Variants in SCFD1 observed in about 807,000 individuals in gnomAD.
SCFD1 encodes the protein sec1 family domain-containing protein 1.
Under a neutral mutation model 103.2 loss-of-function variants are expected in SCFD1, and 37 were observed. The ratio of observed to expected loss-of-function variants is 0.36; its 90% CI spans 0.28 to 0.47. The LOEUF is 0.47. SCFD1 is among the 20% of genes least tolerant of loss of function. SCFD1 has a pLI of 1.00. For synonymous variants in SCFD1, 264 were observed against 245.0 expected (o/e 1.08, Z -0.73); for missense variants, 639 against 761.2 (o/e 0.84, Z 1.89).
intron 15 of SCFD1, among the ~76,000 whole-genome samples, chr14:30,699,794 T>C (rs1312422957): frequency 6.6e-6 from 1 of 152,164 alleles, no homozygotes; most frequent in Non-Finnish European, 1.5e-5. Flanking sequence ...ATAGTCCCAC[T>C]TTCATACCAG....
chr14:30,707,492 T>C (rs958369793), intron 18 of SCFD1, among the ~76,000 whole-genome samples: 1 of 152,184 alleles, frequency 6.6e-6, no homozygotes, highest in African/African-American at 2.4e-5. Flanking sequence ...CAATGTAGAA[T>C]TGGATCCAGC....
intron 4 of SCFD1, among the ~76,000 whole-genome samples, chr14:30,637,005 G>C (rs1029492441): frequency 6.6e-6 from 1 of 151,974 alleles, no homozygotes; most frequent in African/African-American, 2.4e-5. Context: ...CTCAGCCCAG[G>C]ATTCAGACAT....
At chr14:30,650,498 A>AT (rs1051344277) in intron 8 of SCFD1, 67 bp from the exon 9 acceptor site, 3 of 920,290 alleles carry the variant, frequency 3.3e-6, no homozygotes, top group Non-Finnish European at 5.2e-6. Context: ...CTAAAAACAC[A>AT]TTTTGAATTA....
At chr14:30,725,590 A>G (rs1185605849) in intron 23 of SCFD1, among the ~76,000 whole-genome samples, 1 of 152,124 alleles carries the variant, frequency 6.6e-6, no homozygotes. Flanking sequence ...TTGGGCTGAG[A>G]CTGTGTGGGC....
At chr14:30,734,907 T>C in intron 24 of SCFD1, 49 bp downstream of exon 24, 3 of 1,417,826 alleles carry the variant, frequency 2.1e-6, no homozygotes, top group Non-Finnish European at 3.0e-6. Flanking sequence ...CCCTAGTTGC[T>C]ATTGGTATTT....
At chr14:30,693,914 G>A (rs1187697002) in intron 14 of SCFD1, among the ~76,000 whole-genome samples, 1 of 152,042 alleles carries the variant, frequency 6.6e-6, no homozygotes, top group Non-Finnish European at 1.5e-5. Flanking sequence ...ATTTGCTTTT[G>A]AGGATCTTAA....
At chr14:30,623,119 ACTT>A (rs1230227164) in intron 1 of SCFD1, among the ~76,000 whole-genome samples, 1 of 152,060 alleles carries the variant, frequency 6.6e-6, no homozygotes, top group East Asian at 1.9e-4. Context: ...TTACTTGAAA[ACTT>A]CTCATGACAA....
chr14:30,704,877 G>T (rs1891362405), intron 17 of SCFD1, among the ~76,000 whole-genome samples: 1 of 152,132 alleles, frequency 6.6e-6, no homozygotes, highest in African/African-American at 2.4e-5. Context: ...AATCATATAT[G>T]TTAAATAGGC....
intron 19 of SCFD1, among the ~76,000 whole-genome samples, chr14:30,712,345 A>C (rs1891941091): frequency 6.6e-6 from 1 of 152,188 alleles, no homozygotes; most frequent in South Asian, 2.1e-4. Context: ...TCGACATCAG[A>C]GTATCATCTG....
chr14:30,633,177 G>C (rs1884354216), intron 3 of SCFD1, among the ~76,000 whole-genome samples: 1 of 152,164 alleles, frequency 6.6e-6, no homozygotes, highest in South Asian at 2.1e-4. Context: ...TATCATTCTT[G>C]ATATCAGTGG....
intron 14 of SCFD1, among the ~76,000 whole-genome samples, chr14:30,693,833 CTTGA>C (rs1463166999): frequency 6.6e-6 from 1 of 152,138 alleles, no homozygotes; most frequent in East Asian, 1.9e-4. Context: ...TCTACTCCCA[CTTGA>C]TTATTAACAC....
At chr14:30,693,687 AT>A (rs1890480647) in intron 14 of SCFD1, among the ~76,000 whole-genome samples, 1 of 152,162 alleles carries the variant, frequency 6.6e-6, no homozygotes, top group South Asian at 2.1e-4. Context: ...TAATGTATTT[AT>A]GTTGTATATT....
chr14:30,731,390 A>G (rs1285511204), intron 23 of SCFD1, among the ~76,000 whole-genome samples: 1 of 152,204 alleles, frequency 6.6e-6, no homozygotes, highest in African/African-American at 2.4e-5. Context: ...CTGTGAAGAA[A>G]GTCATTGGTA....
At chr14:30,713,740 T>TAAAC (rs902873829) in intron 19 of SCFD1, among the ~76,000 whole-genome samples, 3 of 152,320 alleles carry the variant, frequency 2.0e-5, no homozygotes, top group Admixed American at 1.3e-4. Flanking sequence ...TGCAGGAAGA[T>TAAAC]AAACACAGAA....
chr14:30,718,192 G>A (rs774082057), intron 20 of SCFD1, among the ~76,000 whole-genome samples: 9 of 152,184 alleles, frequency 5.9e-5, no homozygotes, highest in African/African-American at 2.2e-4. Flanking sequence ...ACCAAGAAAT[G>A]TTGTGACTTC....
At position 30,670,381 on chromosome 14, in the gene SCFD1, A is replaced by G. The variant is rs73253007; in HGVS notation, c.981A>G (p.Gln327=). The change falls in exon 11 of 25, where the codon CAA becomes CAG. Residue 327 remains glutamine (Q), a synonymous_variant. Transcript: ENST00000458591. Reference sequence around the variant, plus strand: ...TAACTCCGGTTGATAAATTTTGGCAAAAACATAAAGGAAGGTAAGCAAAAT... The same window carrying G: ...TAACTCCGGTTGATAAATTTTGGCAGAAACATAAAGGAAGGTAAGCAAAAT... ...YDLTPVDKFW[Q]KHKGSPFPEV... 5.9e-4 allele frequency: 922 copies of G among 1,564,542 alleles called. 3 individuals are homozygous for G. In the African/African-American group the frequency reaches 0.012, roughly 21 times the overall value.
At chr14:30,647,894 G>A (rs931521916) in intron 7 of SCFD1, among the ~76,000 whole-genome samples, 9 of 151,850 alleles carry the variant, frequency 5.9e-5, no homozygotes, top group Admixed American at 2.0e-4. Flanking sequence ...CAGGTGATCC[G>A]CCCGCCTCAG....
intron 19 of SCFD1, among the ~76,000 whole-genome samples, chr14:30,710,332 TAAAAAA>T (rs397853428): frequency 0.012 from 1,007 of 82,028 alleles, 12 homozygotes; most frequent in African/African-American, 0.043. Context: ...GCCATGTCAT[TAAAAAA>T]AAAAAAAAAA....
At chr14:30,640,293 T>C (rs1344862297) in intron 6 of SCFD1, among the ~76,000 whole-genome samples, 1 of 152,178 alleles carries the variant, frequency 6.6e-6, no homozygotes, top group Non-Finnish European at 1.5e-5. Flanking sequence ...TTTGGTTTCA[T>C]TGAGCTCTAG....
Sources: allele counts gnomAD v4.1 joint callset (sites outside exome capture counted in the v4.1 genomes callset), GRCh38; gene constraint gnomAD v4.1.1; transcripts MANE v1.5; gene names NCBI Gene and HGNC (gene_info 2026-07-23, HGNC 2026-07-21).